The following APOL6 variants were observed in gnomAD, a reference collection of about 807,000 sequenced individuals.
APOL6 encodes apolipoprotein L6, also known as apolipoprotein L, 6.
In APOL6, 1 loss-of-function variant was observed where a neutral mutation model predicts 2.4. The observed-to-expected ratio is 0.41, with a 90% confidence interval of 0.15 to 1.94. The LOEUF (loss-of-function observed/expected upper bound fraction) is 1.94, where lower values mean the gene tolerates loss of function less well. Among genes scored for constraint, APOL6 ranks in the 30% most tolerant of loss-of-function variants. The pLI is 0.30. For missense variants in APOL6, 438 were observed against 429.2 expected (o/e 1.02, Z -0.18); for synonymous variants, 189 against 169.3 (o/e 1.12, Z -0.90).
intron 2 of APOL6, 137 bp downstream of exon 2, chr22:35,656,612 T>C: frequency 2.0e-6 from 2 of 984,130 alleles, no homozygotes; most frequent in Non-Finnish European, 3.1e-6. Flanking sequence ...GTCTCCATTA[T>C]GCATATGAAA....
Position 35,654,945 on chromosome 22 carries a change from C to A in APOL6, c.-47-1434C>A, listed in dbSNP as rs117616249. Reference sequence around the variant, plus strand: ...AGGTTAACCACTGAGAACTTTAGACCCTTATAGGCCTGGAGATGGTACCAG... The same window carrying A: ...AGGTTAACCACTGAGAACTTTAGACACTTATAGGCCTGGAGATGGTACCAG... On this transcript the variant is annotated intron_variant, in intron 1 of 2. Transcript: ENST00000409652. Among the ~76,000 whole-genome samples, 100 of 152,108 alleles carry A rather than the reference C, an allele frequency of 6.6e-4. 3 individuals are homozygous for A. The East Asian group carries it at 0.018, about 28-fold the overall frequency.
In APOL6 at chr22:35,662,445, A is replaced by G. The variant is rs1925054519; in HGVS notation, c.*2849A>G. On this transcript the variant is annotated 3_prime_UTR_variant, in exon 3 of 3. Coordinates refer to ENST00000409652, the MANE Select transcript of APOL6 (RefSeq NM_030641.4). ...AAGTTATCTCTCTGCTCACTGAGAT[A>G]GATACATATCTGATTGCCTCCTTTG... The G allele has an allele frequency of 6.6e-6, 1 of 152,212 alleles. No homozygotes were observed. Among genetic ancestry groups the G allele is most frequent in the African/African-American group, 2.4e-5 (1 of 41,458 alleles). The allele number at this position is 152,212 out of a possible 1,614,324, so 9.4% of individuals were successfully genotyped here. A position where few individuals can be genotyped will look rare whatever the true frequency, so the allele number is the denominator to read the frequency against.
At chr22:35,655,157 T>C (rs1431714134) in intron 1 of APOL6, among the ~76,000 whole-genome samples, 6 of 152,234 alleles carry the variant, frequency 3.9e-5, no homozygotes, top group Admixed American at 2.0e-4. Context: ...AGCCACTCCT[T>C]TGAGAATTAT....
Position 35,658,768 on chromosome 22 carries a change from C to T in APOL6, c.204C>T (p.Asp68=), listed in dbSNP as rs553196772. The T allele has an allele frequency of 6.2e-7, 1 of 1,614,162 alleles. No individual in the cohort carries two copies. Among genetic ancestry groups the T allele is most frequent in the East Asian group, 2.2e-5 (1 of 44,878 alleles). The change falls in exon 3 of 3, where the codon GAC becomes GAT. Residue 68 remains aspartate (D), a synonymous_variant. Transcript: ENST00000409652. ...TCCGTGCCCTCGCAGACGATATTGA[C>T]AAAACCCACAAGAAATTCACCAAGG... is the stretch of plus-strand genomic sequence containing the variant. ...DKLRALADDI[D]KTHKKFTKAN... is the part of the protein sequence containing the mutation.
intron 2 of APOL6, among the ~76,000 whole-genome samples, chr22:35,656,703 A>G (rs2145956224): frequency 6.6e-6 from 1 of 152,340 alleles, no homozygotes; most frequent in East Asian, 1.9e-4. Context: ...AGTCAGGCGC[A>G]TGGCTTTGGG....
At position 35,664,269 on chromosome 22, in the gene APOL6, G is replaced by A. The variant is rs1366432913; in HGVS notation, c.*4673G>A. 6.6e-6 allele frequency: 1 copy of A among 152,202 alleles called. No individual in the cohort carries two copies. Among genetic ancestry groups the A allele is most frequent in the Non-Finnish European group, 1.5e-5 (1 of 68,034 alleles). 9.4% of individuals were successfully genotyped at this position (152,202 alleles called of 1,614,324 possible). A position where few individuals can be genotyped will look rare whatever the true frequency, so the allele number is the denominator to read the frequency against. ...CCAAAACAGAATGATCTTTGCTTGT[G>A]TAATTTTTAATAAATAAGACATTGA... is the stretch of plus-strand genomic sequence containing the variant. On this transcript the variant is annotated 3_prime_UTR_variant, in exon 3 of 3. Coordinates refer to ENST00000409652, the MANE Select transcript of APOL6 (RefSeq NM_030641.4).
In APOL6 at chr22:35,658,815, C is replaced by T. The variant is rs143660228; in HGVS notation, c.251C>T (p.Thr84Ile). ...FTKANMVATS[T>I]AVISGVMSLL... is the part of the protein sequence containing the mutation. ...AAGGCTAACATGGTGGCCACCTCTA[C>T]TGCTGTCATCTCTGGAGTGATGAGC... Residue 84 changes from threonine to isoleucine, a missense_variant, in exon 3 of 3, where the codon ACT becomes ATT. Coordinates refer to ENST00000409652, the MANE Select transcript of APOL6 (RefSeq NM_030641.4). 856 of 1,614,212 alleles carry T rather than the reference C, an allele frequency of 5.3e-4. No individual in the cohort carries two copies. The highest frequency in any genetic ancestry group is 1.8e-3 in the Admixed American group (107 of 60,032).
In APOL6 at chr22:35,661,730, A is replaced by G. The variant is rs1791329438; in HGVS notation, c.*2134A>G. 6.6e-6 allele frequency: 1 copy of G among 152,234 alleles called. No homozygotes were observed. The highest frequency in any genetic ancestry group is 1.9e-4 in the East Asian group (1 of 5,200). The allele number at this position is 152,234 out of a possible 1,614,324, so 9.4% of individuals were successfully genotyped here. A position where few individuals can be genotyped will look rare whatever the true frequency, so the allele number is the denominator to read the frequency against. On this transcript the variant is annotated 3_prime_UTR_variant, in exon 3 of 3. Transcript: ENST00000409652. Reference sequence around the variant, plus strand: ...TACGAATGGAGCTTGCAGGGCTGAGAGTTGCTCCAGATGAGTCAGTGAGTG... The same window carrying G: ...TACGAATGGAGCTTGCAGGGCTGAGGGTTGCTCCAGATGAGTCAGTGAGTG...
At chr22:35,649,185 C>A (rs1924624101) in intron 1 of APOL6, among the ~76,000 whole-genome samples, 1 of 152,104 alleles carries the variant, frequency 6.6e-6, no homozygotes, top group South Asian at 2.1e-4. Context: ...CCTGTAATCC[C>A]AGCATTTTGG....
chr22:35,656,575 T>C, intron 2 of APOL6, 100 bp downstream of exon 2: 1 of 1,415,266 alleles, frequency 7.1e-7, no homozygotes, highest in South Asian at 1.2e-5. Context: ...TAGGATTAGC[T>C]GTTAAGTGGG....
chr22:35,657,966 C>T (rs747693742), intron 2 of APOL6, among the ~76,000 whole-genome samples: 43 of 152,120 alleles, frequency 2.8e-4, no homozygotes, highest in Admixed American at 7.9e-4. Flanking sequence ...AAGGACTAAT[C>T]CCATCTGCTT....
rs991214524 is a variant in APOL6 at position 35,664,342 on chromosome 22, A to G, written c.*4746A>G. On this transcript the variant is annotated 3_prime_UTR_variant, in exon 3 of 3. Transcript: ENST00000409652. ...GCATCTTGAATTTAGTAAGATTACCATAACTTCTAATCCTGTGGCTTTAGG... is the reference window on the plus strand; with the variant it reads ...GCATCTTGAATTTAGTAAGATTACCGTAACTTCTAATCCTGTGGCTTTAGG... 6.6e-6 allele frequency: 1 copy of G among 152,254 alleles called. No homozygotes were observed. Among genetic ancestry groups the G allele is most frequent in the Non-Finnish European group, 1.5e-5 (1 of 68,044 alleles). The allele number at this position is 152,254 out of a possible 1,614,324, so 9.4% of individuals were successfully genotyped here.
In APOL6 at chr22:35,656,441, G is replaced by A. The variant is rs767308597; in HGVS notation, c.16G>A (p.Glu6Lys). ...ACAGAGGCTGATGGACAACCAGGCGGAGAGAGAAAGTGAGGCTGGTGTTGG... is the reference window on the plus strand; with the variant it reads ...ACAGAGGCTGATGGACAACCAGGCGAAGAGAGAAAGTGAGGCTGGTGTTGG... MDNQA[E>K]RESEAGVGLQ... Residue 6 changes from glutamate (E) to lysine (K), a missense_variant, in exon 2 of 3, where the codon GAG becomes AAG. Physicochemically the swap from Glu to Lys is moderately conservative, Grantham distance 56 (BLOSUM62 1). Coordinates refer to ENST00000409652, the MANE Select transcript of APOL6 (RefSeq NM_030641.4). 6.2e-7 allele frequency: 1 copy of A among 1,614,110 alleles called. No homozygotes were observed. The highest frequency in any genetic ancestry group is 8.5e-7 in the Non-Finnish European group (1 of 1,179,992).
rs550252241 is a variant in APOL6 at position 35,660,577 on chromosome 22, T to C, written c.*981T>C. On this transcript the variant is annotated 3_prime_UTR_variant, in exon 3 of 3. Transcript: ENST00000409652. ...GTCTGTTTGTGCTGCTATAACAAAA[T>C]ACCTTAGACTGGGTAATTTACAAAC... The C allele has an allele frequency of 1.3e-5, 2 of 152,384 alleles. No individual in the cohort carries two copies. Among genetic ancestry groups the C allele is most frequent in the African/African-American group, 4.8e-5 (2 of 41,590 alleles). The allele number at this position is 152,384 out of a possible 1,614,324, so 9.4% of individuals were successfully genotyped here.
At chr22:35,650,725 T>G (rs530667631) in intron 1 of APOL6, among the ~76,000 whole-genome samples, 2 of 151,178 alleles carry the variant, frequency 1.3e-5, no homozygotes, top group African/African-American at 2.4e-5. Context: ...AGGTCAGGAG[T>G]TCAAGACCAG....
chr22:35,651,859 T>C (rs1397413409), intron 1 of APOL6, among the ~76,000 whole-genome samples: 2 of 152,220 alleles, frequency 1.3e-5, no homozygotes, highest in African/African-American at 2.4e-5. Context: ...AATAAACATA[T>C]GTGTGCATGT....
At position 35,659,738 on chromosome 22, in the gene APOL6, G is replaced by T; in HGVS notation, c.*142G>T. ...AATGCTCCTTAAGGCCTATGTGCTG[G>T]GAAAAGGGTCTTCCCTGTTTGTTTG... On this transcript the variant is annotated 3_prime_UTR_variant, in exon 3 of 3. Transcript: ENST00000409652. 7.8e-7 allele frequency: 1 copy of T among 1,276,468 alleles called. No individual in the cohort carries two copies. Among genetic ancestry groups the T allele is most frequent in the Non-Finnish European group, 1.1e-6 (1 of 950,700 alleles). 79.1% of individuals were successfully genotyped at this position (1,276,468 alleles called of 1,614,324 possible).
chr22:35,656,848 A>G (rs1924859051), intron 2 of APOL6, among the ~76,000 whole-genome samples: 1 of 152,232 alleles, frequency 6.6e-6, no homozygotes, highest in African/African-American at 2.4e-5. Flanking sequence ...AAATTAATGA[A>G]TTTAAGCCCA....
chr22:35,656,332 G>A (rs1924843051), intron 1 of APOL6, 47 bp from the exon 2 acceptor site: 4 of 1,434,874 alleles, frequency 2.8e-6, no homozygotes, highest in South Asian at 1.1e-5. Flanking sequence ...ATTTCATAAG[G>A]TTTCATCATA....
Sources: allele counts gnomAD v4.1 joint callset (sites outside exome capture counted in the v4.1 genomes callset), GRCh38; gene constraint gnomAD v4.1.1; transcripts MANE v1.5; gene names NCBI Gene and HGNC (gene_info 2026-07-23, HGNC 2026-07-21).